The following SLCO1B1 variants were observed in gnomAD, a reference collection of about 807,000 sequenced individuals.
SLCO1B1 encodes the protein OATP-2.
SLCO1B1 carries 81 observed loss-of-function variants against 70.1 expected under a neutral mutation model. That is an observed-to-expected ratio of 1.16 (90% CI 0.97 to 1.39). The LOEUF is 1.39. Ranked by LOEUF, SLCO1B1 falls within the 40% of genes most tolerant of loss-of-function variation. The probability of loss-of-function intolerance (pLI) is 0.00; values close to 1 mark genes in which losing one functional copy is unlikely to be tolerated. For missense variants in SLCO1B1, 895 were observed against 799.6 expected, an observed-to-expected ratio of 1.12 and a Z score of -1.44; for synonymous variants, 283 against 271.5, an observed-to-expected ratio of 1.04 and a Z score of -0.42.
intron 12 of SLCO1B1, among the ~76,000 whole-genome samples, chr12:21,221,788 A>T (rs1245462830): frequency 6.6e-6 from 1 of 152,166 alleles, no homozygotes; most frequent in Non-Finnish European, 1.5e-5. Context: ...GAGGAAAAGG[A>T]ATGCTTATAT....
At chr12:21,150,361 C>T (rs965187517) in intron 2 of SLCO1B1, among the ~76,000 whole-genome samples, 3 of 152,114 alleles carry the variant, frequency 2.0e-5, no homozygotes, top group Non-Finnish European at 4.4e-5. Context: ...CAGACTGCCT[C>T]CTTAAGTGGG....
intron 2 of SLCO1B1, among the ~76,000 whole-genome samples, chr12:21,146,268 T>C (rs1940381440): frequency 6.6e-6 from 1 of 152,116 alleles, no homozygotes; most frequent in Non-Finnish European, 1.5e-5. Context: ...ATTATCCTTT[T>C]CATGTATATT....
In SLCO1B1 at chr12:21,176,827, G is replaced by A. The variant is rs11045818; in HGVS notation, c.411G>A (p.Ser137=). 170,433 of 1,505,436 alleles carry A rather than the reference G, an allele frequency of 0.11. 11,914 individuals are homozygous for A. The highest frequency in any genetic ancestry group is 0.13 in the Non-Finnish European group (141,892 of 1,082,956). The allele number at this position is 1,505,436 out of a possible 1,614,324, so 93.3% of individuals were successfully genotyped here. ...TNINSSENST[S]TLSTCLINQI... ...TCAATTCATCAGAAAATTCAACATC[G>A]ACCTTATCCACTTGTTTAATTAATC... The change falls in exon 5 of 15, where the codon TCG becomes TCA. Residue 137 remains serine (S), a synonymous_variant. Coordinates refer to ENST00000256958, the MANE Select transcript of SLCO1B1 (RefSeq NM_006446.5).
rs200331427 is a variant in SLCO1B1 at position 21,178,653 on chromosome 12, C to T, written c.559C>T (p.Pro187Ser). 3 of 1,605,832 alleles carry T rather than the reference C, an allele frequency of 1.9e-6. No homozygotes were observed. The highest frequency in any genetic ancestry group is 2.6e-6 in the Non-Finnish European group (3 of 1,172,544). ...GNMLRGIGET[P>S]IVPLGLSYID... ...TATGCTTCGTGGAATAGGGGAGACTCCCATAGTACCATTGGGGCTTTCTTA... is the reference window on the plus strand; with the variant it reads ...TATGCTTCGTGGAATAGGGGAGACTTCCATAGTACCATTGGGGCTTTCTTA... The change falls in exon 6 of 15, where the codon CCC (proline) becomes TCC (serine). Residue 187 changes from proline (P) to serine (S), a missense_variant. By Grantham distance (74) the Pro-to-Ser change is moderately conservative (BLOSUM62 -1). Transcript: ENST00000256958.
intron 8 of SLCO1B1, 110 bp downstream of exon 8, chr12:21,197,298 T>C: frequency 1.5e-5 from 17 of 1,139,112 alleles, no homozygotes; most frequent in Non-Finnish European, 2.0e-5. Flanking sequence ...GTTGGCTTTC[T>C]TTTGCACTAA....
chr12:21,227,948 AAT>A (rs1202566268), intron 14 of SLCO1B1, among the ~76,000 whole-genome samples: 1 of 152,056 alleles, frequency 6.6e-6, no homozygotes, highest in Non-Finnish European at 1.5e-5. Flanking sequence ...CCAAATTTTT[AAT>A]ATACTGCAAA....
intron 12 of SLCO1B1, among the ~76,000 whole-genome samples, chr12:21,221,825 C>T (rs1056812380): frequency 1.3e-5 from 2 of 151,950 alleles, no homozygotes; most frequent in Non-Finnish European, 2.9e-5. Context: ...ATTAGTACAA[C>T]CTTTATGAAA....
Position 21,178,902 on chromosome 12 carries a change from T to C in SLCO1B1, c.629-20T>C. 6.4e-7 allele frequency: 1 copy of C among 1,560,840 alleles called. No homozygotes were observed. Among genetic ancestry groups the C allele is most frequent in the Non-Finnish European group, 8.8e-7 (1 of 1,132,594 alleles). Reference sequence around the variant, plus strand: ...CATGCATTCTTGGCATCTAGTAAAATTGCTTTATAATATTTTCAGGTATAT... The same window carrying C: ...CATGCATTCTTGGCATCTAGTAAAACTGCTTTATAATATTTTCAGGTATAT... On this transcript the variant is annotated intron_variant, in intron 6 of 14. Coordinates refer to ENST00000256958, the MANE Select transcript of SLCO1B1 (RefSeq NM_006446.5).
intron 2 of SLCO1B1, among the ~76,000 whole-genome samples, chr12:21,160,628 C>A (rs186201594): frequency 1.3e-5 from 2 of 151,892 alleles, no homozygotes; most frequent in East Asian, 3.9e-4. Context: ...CAAATGACAC[C>A]GAAAGCAATC....
At chr12:21,180,380 T>A (rs1211300373) in intron 7 of SLCO1B1, among the ~76,000 whole-genome samples, 2 of 152,174 alleles carry the variant, frequency 1.3e-5, no homozygotes, top group African/African-American at 2.4e-5. Flanking sequence ...TTCACCACTT[T>A]CCATTAGTCT....
chr12:21,204,793 T>G (rs1427825932), intron 10 of SLCO1B1, among the ~76,000 whole-genome samples: 1 of 151,904 alleles, frequency 6.6e-6, no homozygotes, highest in Non-Finnish European at 1.5e-5. Flanking sequence ...TCTTAATTTA[T>G]AGACGGTACC....
At chr12:21,210,866 G>A (rs1941274778) in intron 11 of SLCO1B1, among the ~76,000 whole-genome samples, 1 of 151,818 alleles carries the variant, frequency 6.6e-6, no homozygotes, top group African/African-American at 2.4e-5. Context: ...CTGTTTGTCT[G>A]TTGTTGGTGT....
chr12:21,190,258 A>T (rs1020102384), intron 7 of SLCO1B1, among the ~76,000 whole-genome samples: 2 of 152,220 alleles, frequency 1.3e-5, no homozygotes, highest in Admixed American at 6.5e-5. Context: ...AAGGGGGAAC[A>T]ATAATGTTAA....
At chr12:21,208,199 A>T (rs1451383483) in intron 11 of SLCO1B1, among the ~76,000 whole-genome samples, 1 of 151,968 alleles carries the variant, frequency 6.6e-6, no homozygotes, top group Non-Finnish European at 1.5e-5. Context: ...ACTTAGTCAC[A>T]AATTTTTTGC....
At chr12:21,205,757 A>C in intron 10 of SLCO1B1, 111 bp from the exon 11 acceptor site, 2 of 668,312 alleles carry the variant, frequency 3.0e-6, no homozygotes, top group African/African-American at 2.7e-5. Context: ...TTCTTTATCT[A>C]CTTTTTTTCC....
At chr12:21,137,956 G>T (rs546201387) in intron 1 of SLCO1B1, among the ~76,000 whole-genome samples, 1 of 152,166 alleles carries the variant, frequency 6.6e-6, no homozygotes, top group Non-Finnish European at 1.5e-5. Flanking sequence ...GACCAGAGCT[G>T]TTCCTATTTG....
At chr12:21,162,611 G>GT (rs1366447502) in intron 2 of SLCO1B1, among the ~76,000 whole-genome samples, 3 of 152,144 alleles carry the variant, frequency 2.0e-5, no homozygotes, top group Non-Finnish European at 4.4e-5. Context: ...GAAGTGAGAC[G>GT]TAATAAGGGT....
intron 13 of SLCO1B1, among the ~76,000 whole-genome samples, chr12:21,224,306 G>T (rs1192764326): frequency 6.6e-6 from 1 of 151,264 alleles, no homozygotes; most frequent in African/African-American, 2.4e-5. Flanking sequence ...TGCTTTTACA[G>T]CAATTGAGCC....
At position 21,174,488 on chromosome 12, in the gene SLCO1B1, T is replaced by C. The variant is rs368238505; in HGVS notation, c.227-89T>C. ...GTCTTTGAGGGAAGGCACTATGTCT[T>C]GGACTCTATTTGCATCCATTCTGGG... is the stretch of plus-strand genomic sequence containing the variant. On this transcript the variant is annotated intron_variant, in intron 3 of 14. Transcript: ENST00000256958. The C allele has an allele frequency of 1.3e-4, 166 of 1,279,958 alleles. 1 individual carries two copies. Among genetic ancestry groups the C allele is most frequent in the East Asian group, 1.0e-3 (43 of 41,636 alleles). The allele number at this position is 1,279,958 out of a possible 1,614,324, so 79.3% of individuals were successfully genotyped here. A position where few individuals can be genotyped will look rare whatever the true frequency, so the allele number is the denominator to read the frequency against.
Sources: allele counts gnomAD v4.1 joint callset (sites outside exome capture counted in the v4.1 genomes callset), GRCh38; gene constraint gnomAD v4.1.1; transcripts MANE v1.5; gene names NCBI Gene and HGNC (gene_info 2026-07-23, HGNC 2026-07-21).